The following PATJ variants were observed in gnomAD, a reference collection of about 807,000 sequenced individuals.
PATJ encodes PATJ crumbs cell polarity complex component.
A neutral mutation model predicts 224.9 loss-of-function variants in PATJ; 190 were observed. That is an observed-to-expected ratio of 0.84 (90% CI 0.75 to 0.95). The LOEUF is 0.95. Among genes scored for constraint, PATJ ranks in the 40% least tolerant of loss-of-function variants. PATJ has a pLI of 0.00. For missense variants in PATJ, 2,121 were observed against 2,270.3 expected, an observed-to-expected ratio of 0.93 and a Z score of 1.34; for synonymous variants, 769 against 820.3, an observed-to-expected ratio of 0.94 and a Z score of 1.07.
chr1:61,765,960 T>C (rs1646248058), intron 3 of PATJ, among the ~76,000 whole-genome samples: 1 of 152,238 alleles, frequency 6.6e-6, no homozygotes, highest in East Asian at 1.9e-4. Context: ...AAAGGTTTAG[T>C]GCCTTACACT....
intron 14 of PATJ, among the ~76,000 whole-genome samples, chr1:61,822,152 T>A (rs1657399099): frequency 6.6e-6 from 1 of 152,104 alleles, no homozygotes; most frequent in African/African-American, 2.4e-5. Context: ...GTTCCAGGGC[T>A]GAAGTTATGG....
At chr1:61,982,877 A>G (rs1644527260) in intron 27 of PATJ, among the ~76,000 whole-genome samples, 1 of 151,990 alleles carries the variant, frequency 6.6e-6, no homozygotes, top group South Asian at 2.1e-4. Flanking sequence ...GGTTGGTGCA[A>G]AAGTCATTAT....
chr1:61,781,583 T>A (rs1212128790), intron 7 of PATJ, among the ~76,000 whole-genome samples: 9 of 152,160 alleles, frequency 5.9e-5, no homozygotes, highest in Non-Finnish European at 1.3e-4. Context: ...ACATCCAAAT[T>A]AGCCTCTGAA....
chr1:61,991,224 A>G (rs1645046864), intron 28 of PATJ, among the ~76,000 whole-genome samples: 1 of 151,958 alleles, frequency 6.6e-6, no homozygotes, highest in Admixed American at 6.6e-5. Flanking sequence ...TGATGACAAT[A>G]ACAGCTAAAA....
chr1:61,958,512 A>T (rs1307900744), intron 27 of PATJ, among the ~76,000 whole-genome samples: 3 of 152,212 alleles, frequency 2.0e-5, no homozygotes, highest in Non-Finnish European at 4.4e-5. Flanking sequence ...CTATGGTTAA[A>T]GTACCCTACC....
At chr1:61,928,164 A>C (rs1415550746) in intron 27 of PATJ, among the ~76,000 whole-genome samples, 1 of 152,212 alleles carries the variant, frequency 6.6e-6, no homozygotes, top group Admixed American at 6.5e-5. Flanking sequence ...TGTAGATTTC[A>C]GTTGTTGATT....
intron 25 of PATJ, among the ~76,000 whole-genome samples, chr1:61,910,520 A>G (rs940751480): frequency 4.2e-5 from 5 of 118,616 alleles, no homozygotes; most frequent in Non-Finnish European, 9.0e-5. Flanking sequence ...AACTTTGTTT[A>G]TAGGGCAAAG....
intron 18 of PATJ, among the ~76,000 whole-genome samples, chr1:61,861,313 A>C (rs1664562683): frequency 2.1e-5 from 1 of 47,418 alleles, no homozygotes; most frequent in Non-Finnish European, 5.1e-5. Flanking sequence ...TTTTTACGTG[A>C]ATGAATCTTT....
intron 38 of PATJ, among the ~76,000 whole-genome samples, chr1:62,121,795 C>T (rs1665092117): frequency 8.5e-6 from 1 of 117,910 alleles, no homozygotes; most frequent in Non-Finnish European, 1.8e-5. Context: ...AAAGAAATTC[C>T]TTCAGTGGCA....
At chr1:62,154,489 G>A (rs1049913981) in intron 43 of PATJ, among the ~76,000 whole-genome samples, 7 of 151,694 alleles carry the variant, frequency 4.6e-5, no homozygotes, top group African/African-American at 7.3e-5. Context: ...GGCAAAACCC[G>A]TCTTTACTAA....
At chr1:62,088,407 C>T (rs868699762) in intron 33 of PATJ, among the ~76,000 whole-genome samples, 2 of 152,100 alleles carry the variant, frequency 1.3e-5, no homozygotes, top group Non-Finnish European at 2.9e-5. Context: ...GCCCTCCTTC[C>T]GCTCCCATCA....
chr1:61,865,590 A>G (rs1665291895), intron 20 of PATJ: 1 of 152,088 alleles, frequency 6.6e-6, no homozygotes, highest in Non-Finnish European at 1.5e-5. Flanking sequence ...TATATCACCA[A>G]TAAACTTTAT....
At position 61,989,143 on chromosome 1, in the gene PATJ, CACAGCCA is replaced by C. The variant is rs76396769; in HGVS notation, c.3671-1024_3671-1018del. ...CTGCACAGAACCAACACAAGTGAGA[CACAGCCA>C]GCCATCTCCTAAAACAGGTCCTTTT... On this transcript the variant is annotated intron_variant, in intron 27 of 43. Transcript: ENST00000642238. 9.9e-5 allele frequency among the ~76,000 whole-genome samples: 15 copies of C among 152,278 alleles called. No homozygotes were observed. The East Asian group carries it at 2.5e-3, about 25-fold the overall frequency.
intron 1 of PATJ, among the ~76,000 whole-genome samples, chr1:61,751,354 C>A (rs566783219): frequency 6.6e-6 from 1 of 151,990 alleles, no homozygotes; most frequent in African/African-American, 2.4e-5. Context: ...GTCGGCAGTG[C>A]GGGTAAAATT....
In PATJ at chr1:61,794,409, C is replaced by T. The variant is rs141198646; in HGVS notation, c.1169-1058C>T. ...ATCCTCCCCCCTCAGCCTCCCAAAG[C>T]GCTGGGATTACAACTGTGAACAACT... On this transcript the variant is annotated intron_variant, in intron 9 of 43. Coordinates refer to ENST00000642238, the MANE Select transcript of PATJ (RefSeq NM_001350145.3). Among the ~76,000 whole-genome samples, 132 of 151,920 alleles carry T rather than the reference C, an allele frequency of 8.7e-4. No homozygotes were observed. The East Asian group carries it at 0.021, about 24-fold the overall frequency.
At position 61,856,901 on chromosome 1, in the gene PATJ, T is replaced by G. The variant is rs558315844; in HGVS notation, c.2322+662T>G. 5.3e-5 allele frequency among the ~76,000 whole-genome samples: 8 copies of G among 152,338 alleles called. No homozygotes were observed. The South Asian group carries it at 1.7e-3, about 32-fold the overall frequency. The stretch of plus-strand genomic sequence containing the variant: ...GCCATTGCACCTGGCTATTCTTATA[T>G]GTAAATTAAAATAAGTATCCATTTT... On this transcript the variant is annotated intron_variant, in intron 18 of 43. Transcript: ENST00000642238.
At chr1:62,124,652 G>A (rs1240658366) in intron 39 of PATJ, among the ~76,000 whole-genome samples, 1 of 152,162 alleles carries the variant, frequency 6.6e-6, no homozygotes, top group African/African-American at 2.4e-5. Flanking sequence ...GATCCAAGAT[G>A]AAGGTGTCTG....
chr1:61,783,449 GAC>G (rs1218163497), intron 7 of PATJ, among the ~76,000 whole-genome samples: 11 of 129,614 alleles, frequency 8.5e-5, no homozygotes, highest in Non-Finnish European at 1.6e-4. Context: ...TTTAAATAGA[GAC>G]AGAGTCTTGC....
chr1:61,766,921 T>C (rs1646313943), intron 4 of PATJ, among the ~76,000 whole-genome samples: 1 of 152,060 alleles, frequency 6.6e-6, no homozygotes, highest in African/African-American at 2.4e-5. Flanking sequence ...GGCAAAACCC[T>C]GTCTCTACTA....
Sources: allele counts gnomAD v4.1 joint callset (sites outside exome capture counted in the v4.1 genomes callset), GRCh38; gene constraint gnomAD v4.1.1; transcripts MANE v1.5; gene names NCBI Gene and HGNC (gene_info 2026-07-23, HGNC 2026-07-21).